Variants in RPGRIP1L observed in about 807,000 individuals in gnomAD.
RPGRIP1L encodes the protein RPGRIP1 like, also known as protein fantom.
A neutral mutation model predicts 160.4 loss-of-function variants in RPGRIP1L; 131 were observed. The observed-to-expected ratio is 0.82, with a 90% CI of 0.71 to 0.94. The LOEUF (loss-of-function observed/expected upper bound fraction) is 0.94, where lower values mean the gene tolerates loss of function less well. RPGRIP1L is among the 40% of genes least tolerant of loss of function. The pLI, the probability that RPGRIP1L is intolerant of heterozygous loss-of-function variation, is 0.00. For missense variants in RPGRIP1L, 1,522 were observed against 1,535.8 expected, an observed-to-expected ratio of 0.99 and a Z score of 0.15; for synonymous variants, 510 against 515.8, an observed-to-expected ratio of 0.99 and a Z score of 0.15.
At chr16:53,693,236 A>G (rs1970507994) in intron 3 of RPGRIP1L, 1 of 152,232 alleles carries the variant, frequency 6.6e-6, no homozygotes, top group Non-Finnish European at 1.5e-5. Flanking sequence ...CACATCTTCA[A>G]TAGCTGATTC....
At chr16:53,633,257 C>A (rs985662999) in intron 22 of RPGRIP1L, among the ~76,000 whole-genome samples, 1 of 152,162 alleles carries the variant, frequency 6.6e-6, no homozygotes, top group Non-Finnish European at 1.5e-5. Context: ...AAAGTTAACA[C>A]CATCAATAAT....
At chr16:53,662,557 T>C (rs1021472713) in intron 10 of RPGRIP1L, among the ~76,000 whole-genome samples, 1 of 152,118 alleles carries the variant, frequency 6.6e-6, no homozygotes, top group Non-Finnish European at 1.5e-5. Context: ...AAAGTAAAAT[T>C]AAACAGTTTC....
chr16:53,611,114 C>T (rs1471145922), intron 24 of RPGRIP1L, 63 bp from the exon 25 acceptor site: 9 of 1,107,954 alleles, frequency 8.1e-6, no homozygotes, highest in Non-Finnish European at 1.1e-5. Flanking sequence ...ACATTAGTAC[C>T]ATTCTGTATT....
intron 23 of RPGRIP1L, 28 bp downstream of exon 23, chr16:53,622,191 C>T (rs757051552): frequency 1.4e-4 from 89 of 644,824 alleles, no homozygotes; most frequent in Admixed American, 3.2e-4. Context: ...AGTGAAACCC[C>T]GTCTCTGCTA....
intron 24 of RPGRIP1L, among the ~76,000 whole-genome samples, chr16:53,611,543 G>A (rs993113739): frequency 1.6e-4 from 24 of 152,236 alleles, no homozygotes; most frequent in African/African-American, 5.5e-4. Flanking sequence ...TCCGCAGGCT[G>A]ACGCCTGCTG....
At chr16:53,651,892 A>C (rs1327242519) in intron 15 of RPGRIP1L, among the ~76,000 whole-genome samples, 3 of 151,962 alleles carry the variant, frequency 2.0e-5, no homozygotes, top group African/African-American at 7.2e-5. Context: ...TATTTATAAT[A>C]GTTATAACTA....
At chr16:53,653,127 A>C in intron 14 of RPGRIP1L, 140 bp from the exon 15 acceptor site, 1 of 873,436 alleles carries the variant, frequency 1.1e-6, no homozygotes, top group Non-Finnish European at 1.7e-6. Flanking sequence ...TTTTCTGTAA[A>C]TAATACTTTA....
intron 1 of RPGRIP1L, among the ~76,000 whole-genome samples, chr16:53,701,057 G>C (rs1971354216): frequency 6.6e-6 from 1 of 152,104 alleles, no homozygotes; most frequent in Non-Finnish European, 1.5e-5. Flanking sequence ...CTCAGGTCAG[G>C]AACTTGATTC....
chr16:53,634,814 T>A (rs1965733576), intron 22 of RPGRIP1L, among the ~76,000 whole-genome samples: 1 of 152,200 alleles, frequency 6.6e-6, no homozygotes, highest in South Asian at 2.1e-4. Context: ...AAACCACTTT[T>A]CTTTGTAAAT....
intron 9 of RPGRIP1L, among the ~76,000 whole-genome samples, chr16:53,665,979 T>C (rs537782442): frequency 1.3e-5 from 2 of 152,312 alleles, no homozygotes; most frequent in South Asian, 4.1e-4. Flanking sequence ...CCATTATCTA[T>C]GAAGCTTGAT....
intron 24 of RPGRIP1L, among the ~76,000 whole-genome samples, chr16:53,615,905 T>C (rs1964349134): frequency 6.6e-6 from 1 of 152,094 alleles, no homozygotes; most frequent in Non-Finnish European, 1.5e-5. Flanking sequence ...CCAGGAGATA[T>C]ATATTTTTGT....
chr16:53,667,680 C>T (rs1420126006), intron 9 of RPGRIP1L, among the ~76,000 whole-genome samples: 2 of 152,096 alleles, frequency 1.3e-5, no homozygotes, highest in African/African-American at 4.8e-5. Flanking sequence ...CGAGACCAGC[C>T]TGGCTAACAT....
chr16:53,641,269 A>C lies in RPGRIP1L; in HGVS notation c.2874+16T>G. 6.2e-7 allele frequency: 1 copy of C among 1,611,746 alleles called. No homozygotes were observed. Among genetic ancestry groups the C allele is most frequent in the Non-Finnish European group, 8.5e-7 (1 of 1,178,582 alleles). Reference sequence around the variant, plus strand: ...ATTTTATACTTGTAAAAAAATTAAAAGTCACTGATACTCACTAAAACTAGT... The same window carrying C: ...ATTTTATACTTGTAAAAAAATTAAACGTCACTGATACTCACTAAAACTAGT... On this transcript the variant is annotated intron_variant, in intron 18 of 26. Coordinates refer to ENST00000647211, the MANE Select transcript of RPGRIP1L (RefSeq NM_015272.5).
intron 6 of RPGRIP1L, among the ~76,000 whole-genome samples, chr16:53,686,105 G>A (rs1193450292): frequency 2.6e-5 from 4 of 152,270 alleles, no homozygotes; most frequent in Middle Eastern, 3.4e-3. Context: ...TTGAGTTCTT[G>A]TCACCCATAT....
intron 25 of RPGRIP1L, among the ~76,000 whole-genome samples, chr16:53,610,023 A>C (rs982622548): frequency 1.3e-5 from 2 of 151,982 alleles, no homozygotes; most frequent in Non-Finnish European, 1.5e-5. Flanking sequence ...ACTGTTTTTG[A>C]GGCAGTGAGA....
intron 3 of RPGRIP1L, chr16:53,695,252 G>A (rs1970667533): frequency 1.5e-6 from 1 of 680,636 alleles, no homozygotes; most frequent in Non-Finnish European, 2.7e-6. Context: ...GTCAGAAAAG[G>A]AATCAGGCAA....
At chr16:53,672,159 A>G (rs1475801654) in intron 8 of RPGRIP1L, among the ~76,000 whole-genome samples, 1 of 152,164 alleles carries the variant, frequency 6.6e-6, no homozygotes, top group Non-Finnish European at 1.5e-5. Flanking sequence ...AAATAAACGG[A>G]GTAATAATTA....
Position 53,602,032 on chromosome 16 carries a change from G to A in RPGRIP1L, c.*44C>T. ...AAATCTCATGTAGGAACTTTCATGT[G>A]AGCATTTACTGAGGAGTAGGAGATG... On this transcript the variant is annotated 3_prime_UTR_variant, in exon 27 of 27. Transcript: ENST00000647211. 9.0e-7 allele frequency: 1 copy of A among 1,112,454 alleles called. No individual in the cohort carries two copies. The highest frequency in any genetic ancestry group is 1.4e-6 in the Non-Finnish European group (1 of 728,848). The allele number at this position is 1,112,454 out of a possible 1,614,324, so 68.9% of individuals were successfully genotyped here.
intron 22 of RPGRIP1L, among the ~76,000 whole-genome samples, chr16:53,623,421 G>C (rs1176432741): frequency 3.3e-5 from 5 of 152,166 alleles, no homozygotes; most frequent in African/African-American, 1.2e-4. Flanking sequence ...CTTGTCTGCA[G>C]TCCCAACCAT....
Sources: gnomAD v4.1 joint callset for allele counts (sites outside exome capture counted in the v4.1 genomes callset) on GRCh38, gnomAD v4.1.1 for gene constraint, MANE v1.5 for transcripts, NCBI Gene and HGNC (gene_info 2026-07-23, HGNC 2026-07-21) for gene names.